RGS6: variants seen among roughly 807,000 people sequenced by gnomAD.
RGS6 encodes regulator of G protein signaling 6, also known as regulator of G-protein signaling 6.
In RGS6, 30 loss-of-function variants were observed where a neutral mutation model predicts 78.5. The observed-to-expected ratio is 0.38, with a 90% CI of 0.29 to 0.52. The LOEUF (loss-of-function observed/expected upper bound fraction) is 0.52, where lower values mean the gene tolerates loss of function less well. Among genes scored for constraint, RGS6 ranks in the 20% least tolerant of loss-of-function variants. The pLI is 0.85. For synonymous variants in RGS6, 206 were observed against 206.0 expected (o/e 1.00, Z 0.00); for missense variants, 495 against 609.7 (o/e 0.81, Z 1.98).
intron 2 of RGS6, among the ~76,000 whole-genome samples, chr14:72,157,624 C>A (rs149680): frequency 6.6e-6 from 1 of 151,908 alleles, no homozygotes; most frequent in Non-Finnish European, 1.5e-5. Flanking sequence ...GGAAGAAATT[C>A]GAACATTTTC....
intron 2 of RGS6, among the ~76,000 whole-genome samples, chr14:72,099,122 A>T (rs2095474650): frequency 6.6e-6 from 1 of 152,082 alleles, no homozygotes; most frequent in South Asian, 2.1e-4. Context: ...CAACTCTGAG[A>T]TGGGTGCTTT....
intron 2 of RGS6, among the ~76,000 whole-genome samples, chr14:72,226,200 C>A (rs2048089981): frequency 6.6e-6 from 1 of 152,174 alleles, no homozygotes; most frequent in African/African-American, 2.4e-5. Context: ...AAGGAAAAAA[C>A]TGAAAATACC....
chr14:72,621,336 G>C, the RGS6 span, among the ~76,000 whole-genome samples: 1 of 151,856 alleles, frequency 6.6e-6, no homozygotes, highest in African/African-American at 2.4e-5. Flanking sequence ...TTGTGATCTG[G>C]CCCCACCCCC....
chr14:72,541,029 C>T (rs1167479758), intron 17 of RGS6: 1 of 1,309,254 alleles, frequency 7.6e-7, no homozygotes, highest in Non-Finnish European at 1.0e-6. Flanking sequence ...ACATTGAGCT[C>T]AGTGCACAAG....
At chr14:72,576,751 C>T in the RGS6 span, among the ~76,000 whole-genome samples, 1 of 152,288 alleles carries the variant, frequency 6.6e-6, no homozygotes, top group South Asian at 2.1e-4. Flanking sequence ...GATCCAACTG[C>T]CCCTTTCCAG....
intron 2 of RGS6, among the ~76,000 whole-genome samples, chr14:71,984,719 A>G (rs1434398842): frequency 6.6e-6 from 1 of 152,202 alleles, no homozygotes; most frequent in Non-Finnish European, 1.5e-5. Context: ...TGCTTTATAT[A>G]ATTATAGCCT....
intron 2 of RGS6, among the ~76,000 whole-genome samples, chr14:72,250,416 C>G (rs1181500842): frequency 1.7e-5 from 1 of 60,086 alleles, no homozygotes; most frequent in East Asian, 3.8e-4. Context: ...AAAAAAAACC[C>G]CAAGGGATGT....
intron 2 of RGS6, among the ~76,000 whole-genome samples, chr14:72,269,602 A>G (rs1311467048): frequency 2.4e-5 from 3 of 123,720 alleles, no homozygotes; most frequent in African/African-American, 6.4e-5. Context: ...TTTGAGACAG[A>G]GTCTCTCTCT....
At chr14:72,541,461 A>T (rs1447344290) in intron 17 of RGS6, 1 of 1,535,162 alleles carries the variant, frequency 6.5e-7, no homozygotes, top group Non-Finnish European at 8.7e-7. Context: ...TTTCCTCATG[A>T]GAAATCAGAA....
intron 3 of RGS6, among the ~76,000 whole-genome samples, chr14:72,396,346 G>C (rs974153183): frequency 1.3e-5 from 2 of 152,182 alleles, no homozygotes; most frequent in Non-Finnish European, 2.9e-5. Flanking sequence ...CTTTTGAGAA[G>C]TGTCTGTTCA....
Position 72,565,183 on chromosome 14 carries a change from G to C in RGS6, c.*2716G>C, listed in dbSNP as rs2097704337. The stretch of plus-strand genomic sequence containing the variant: ...AGAAGCTGCCTTAGCCTCCCTGACT[G>C]GGTGTGGTCTCTGGGCCTAGGACTC... On this transcript the variant is annotated 3_prime_UTR_variant, in exon 18 of 18. Coordinates refer to ENST00000553525, the MANE Select transcript of RGS6 (RefSeq NM_001204424.2). 6.6e-6 allele frequency: 1 copy of C among 151,914 alleles called. No homozygotes were observed. The highest frequency in any genetic ancestry group is 2.4e-5 in the African/African-American group (1 of 41,406). 9.4% of individuals were successfully genotyped at this position (151,914 alleles called of 1,614,324 possible).
intron 2 of RGS6, among the ~76,000 whole-genome samples, chr14:72,167,783 G>T (rs2096949497): frequency 1.3e-5 from 2 of 152,190 alleles, no homozygotes; most frequent in Non-Finnish European, 2.9e-5. Flanking sequence ...TTATCACCAG[G>T]AGAAGTGAGT....
chr14:72,041,616 A>G (rs2092406827), intron 2 of RGS6, among the ~76,000 whole-genome samples: 1 of 152,182 alleles, frequency 6.6e-6, no homozygotes, highest in South Asian at 2.1e-4. Flanking sequence ...CTCCCAATTC[A>G]TTGAGCTGTG....
intron 2 of RGS6, among the ~76,000 whole-genome samples, chr14:72,340,328 C>T (rs1260575451): frequency 6.6e-6 from 1 of 152,150 alleles, no homozygotes; most frequent in African/African-American, 2.4e-5. Flanking sequence ...GATAATGGCA[C>T]TATCTGGAGC....
the RGS6 span, among the ~76,000 whole-genome samples, chr14:72,580,885 C>T: frequency 6.6e-6 from 1 of 152,196 alleles, no homozygotes; most frequent in South Asian, 2.1e-4. Flanking sequence ...CTCTGCCTGC[C>T]TTATGGGAGC....
intron 2 of RGS6, among the ~76,000 whole-genome samples, chr14:72,313,600 G>C (rs1034102972): frequency 6.6e-6 from 1 of 152,100 alleles, no homozygotes; most frequent in Non-Finnish European, 1.5e-5. Flanking sequence ...CTGAAATCAG[G>C]GAGCCAAGTG....
intron 2 of RGS6, among the ~76,000 whole-genome samples, chr14:72,299,146 C>T (rs1208692762): frequency 1.3e-5 from 2 of 152,126 alleles, no homozygotes; most frequent in Admixed American, 6.5e-5. Context: ...AGATATAACT[C>T]ACATATAACA....
At chr14:72,216,349 C>G (rs985160503) in intron 2 of RGS6, among the ~76,000 whole-genome samples, 1 of 152,180 alleles carries the variant, frequency 6.6e-6, no homozygotes, top group Non-Finnish European at 1.5e-5. Flanking sequence ...AAAGATGTCA[C>G]GGGACCTCAG....
At chr14:72,036,071 C>T (rs1054099651) in intron 2 of RGS6, among the ~76,000 whole-genome samples, 7 of 151,940 alleles carry the variant, frequency 4.6e-5, no homozygotes, top group African/African-American at 1.7e-4. Context: ...ACCCTGTTAC[C>T]CATCACCAAA....
Sources: allele counts gnomAD v4.1 joint callset (sites outside exome capture counted in the v4.1 genomes callset), GRCh38; gene constraint gnomAD v4.1.1; transcripts MANE v1.5; gene names NCBI Gene and HGNC (gene_info 2026-07-23, HGNC 2026-07-21).